Variants in DSC2 observed in about 807,000 individuals in gnomAD.
The protein encoded by DSC2 is desmocollin 2.
DSC2 carries 51 observed loss-of-function variants against 87.6 expected under a neutral mutation model. The observed-to-expected ratio is 0.58, with a 90% CI of 0.46 to 0.74. DSC2 has a LOEUF of 0.74. DSC2 is among the 30% of genes least tolerant of loss of function. The pLI is 0.00. For synonymous variants in DSC2, 383 were observed against 393.2 expected, an observed-to-expected ratio of 0.97 and a Z score of 0.31; for missense variants, 1,066 against 1,089.5, an observed-to-expected ratio of 0.98 and a Z score of 0.30.
At chr18:31,096,103 C>A (rs1055613955) in intron 1 of DSC2, among the ~76,000 whole-genome samples, 8 of 151,990 alleles carry the variant, frequency 5.3e-5, no homozygotes, top group Non-Finnish European at 1.0e-4. Flanking sequence ...TTACTTGGAG[C>A]AAATAAATTA....
Position 31,082,374 on chromosome 18 carries a change from A to T in DSC2, c.1127T>A (p.Val376Asp). 1 of 1,613,798 alleles carries T rather than the reference A, an allele frequency of 6.2e-7. No individual in the cohort carries two copies. Among genetic ancestry groups the T allele is most frequent in the South Asian group, 1.1e-5 (1 of 91,076 alleles). ...ENTVDVEILRVTVEDKDLVNT... is the reference protein window; with the variant it reads ...ENTVDVEILRDTVEDKDLVNT... ...CACTAAGTCCTTATCCTCAACAGTA[A>T]CTCGTAAGATTTCCACATCAACTGT... The change falls in exon 9 of 16, where the codon GTT becomes GAT. Residue 376 changes from valine (V) to aspartate (D), a missense_variant. Val to Asp is a radical substitution (Grantham distance 152). Coordinates refer to ENST00000280904, the MANE Select transcript of DSC2 (RefSeq NM_024422.6).
Position 31,066,673 on chromosome 18 carries a change from T to G in DSC2, c.*1342A>C, listed in dbSNP as rs1270847137. 1 of 152,162 alleles carries G rather than the reference T, an allele frequency of 6.6e-6. No homozygotes were observed. The highest frequency in any genetic ancestry group is 1.5e-5 in the Non-Finnish European group (1 of 67,992). 9.4% of individuals were successfully genotyped at this position (152,162 alleles called of 1,614,324 possible). A position where few individuals can be genotyped will look rare whatever the true frequency, so the allele number is the denominator to read the frequency against. ...AAGTCATGAAACATGGACTGGAATT[T>G]TGTGAGCTATTAAGTTTCATTTTGT... On this transcript the variant is annotated 3_prime_UTR_variant, in exon 16 of 16. Transcript: ENST00000280904.
In DSC2 at chr18:31,082,308, C is replaced by G. The variant is rs1987248171; in HGVS notation, c.1193G>C (p.Gly398Ala). The G allele has an allele frequency of 6.2e-7, 1 of 1,613,630 alleles. No homozygotes were observed. Among genetic ancestry groups the G allele is most frequent in the African/African-American group, 1.3e-5 (1 of 74,884 alleles). Residue 398 changes from glycine to alanine, a missense_variant, in exon 9 of 16, where the codon GGC becomes GCC. Transcript: ENST00000280904. Reference protein sequence around the residue: ...NWRANYTILKGNENGNFKIVT... With the variant: ...NWRANYTILKANENGNFKIVT... ...AATTTTAAAATTGCCATTTTCATTG[C>G]CCTTTAAAATGGTATAATTAGCTCT...
At position 31,069,177 on chromosome 18, in the gene DSC2, G is replaced by T. The variant is rs753733936; in HGVS notation, c.2251-26C>A. 15 of 1,613,638 alleles carry T rather than the reference G, an allele frequency of 9.3e-6. No homozygotes were observed. The African/African-American group carries it at 1.7e-4, about 19-fold the overall frequency. ...CTGAAATGAAAACAATTTGCATTAGGGATAATACAGAGAGGAACACAAAAT... is the reference window on the plus strand; with the variant it reads ...CTGAAATGAAAACAATTTGCATTAGTGATAATACAGAGAGGAACACAAAAT... On this transcript the variant is annotated intron_variant, in intron 14 of 15. Transcript: ENST00000280904.
rs991179618 is a variant in DSC2, at chr18:31,080,341, A to G, written c.1275T>C (p.Tyr425=). 1 of 1,613,834 alleles carries G rather than the reference A, an allele frequency of 6.2e-7. No homozygotes were observed. The highest frequency in any genetic ancestry group is 1.3e-5 in the African/African-American group (1 of 74,940). The change falls in exon 10 of 16, where the codon TAT becomes TAC. Residue 425 remains tyrosine (Y), a synonymous_variant. Transcript: ENST00000280904. ...GVLCVVKPLN[Y]EEKQQMILQI... ...GCAAGATCATCTGTTGCTTTTCTTC[A>G]TAATTCAAAGGCTACGAAAGCAAAT...
chr18:31,060,113 G>A lies in DSC2; in HGVS notation c.*7902C>T, dbSNP rs995397605. Reference sequence around the variant, plus strand: ...TTATGGTACATTGTATCACAGTAATGGATCATACATCATTTAATTACTTCC... The same window carrying A: ...TTATGGTACATTGTATCACAGTAATAGATCATACATCATTTAATTACTTCC... On this transcript the variant is annotated 3_prime_UTR_variant, in exon 16 of 16. Coordinates refer to ENST00000280904, the MANE Select transcript of DSC2 (RefSeq NM_024422.6). 6.6e-6 allele frequency: 1 copy of A among 151,994 alleles called. No homozygotes were observed. Among genetic ancestry groups the A allele is most frequent in the Non-Finnish European group, 1.5e-5 (1 of 68,002 alleles). The allele number at this position is 151,994 out of a possible 1,614,324, so 9.4% of individuals were successfully genotyped here.
intron 13 of DSC2, 92 bp from the exon 14 acceptor site, chr18:31,070,942 T>C: frequency 6.9e-7 from 1 of 1,446,260 alleles, no homozygotes; most frequent in Non-Finnish European, 9.6e-7. Context: ...ATCATAAACT[T>C]AAAAGTGTAT....
At chr18:31,083,131 T>C in intron 7 of DSC2, 71 bp from the exon 8 acceptor site, 1 of 1,540,374 alleles carries the variant, frequency 6.5e-7, no homozygotes, top group South Asian at 1.2e-5. Context: ...TACTTTACAC[T>C]CCATAATTTT....
intron 5 of DSC2, among the ~76,000 whole-genome samples, 156 bp from the exon 6 acceptor site, chr18:31,087,969 C>T (rs761648040): frequency 1.3e-5 from 2 of 152,124 alleles, no homozygotes; most frequent in Admixed American, 6.5e-5. Context: ...AATTTTAATG[C>T]CAAAGAGGTG....
intron 3 of DSC2, among the ~76,000 whole-genome samples, 179 bp from the exon 4 acceptor site, chr18:31,091,326 C>T (rs898319136): frequency 6.6e-6 from 1 of 152,096 alleles, no homozygotes; most frequent in African/African-American, 2.4e-5. Context: ...AAGTAACTGT[C>T]CTAACTGTTA....
At position 31,068,904 on chromosome 18, in the gene DSC2, C is replaced by T. The variant is rs370325533; in HGVS notation, c.2498G>A (p.Arg833His). 1.2e-4 allele frequency: 195 copies of T among 1,613,446 alleles called. No homozygotes were observed. The African/African-American group carries it at 2.3e-3, about 19-fold the overall frequency. The change falls in exon 15 of 16, where the codon CGT (arginine) becomes CAT (histidine). Residue 833 changes from arginine (R) to histidine (H), a missense_variant. Transcript: ENST00000280904. ...CTTAGGAAAACTCACTTCACCAAGA[C>T]GGGGCTGAGTAAAACTGTGCCACTC... ...YSEWHSFTQP[R>H]LGEKVYLCNQ...
chr18:31,076,768 T>C (rs1176293226), intron 11 of DSC2, among the ~76,000 whole-genome samples: 3 of 152,064 alleles, frequency 2.0e-5, no homozygotes, highest in Admixed American at 2.0e-4. Context: ...ACTAGACAAA[T>C]ATAAAAAAAT....
chr18:31,086,606 G>A lies in DSC2; in HGVS notation c.912C>T (p.Ile304=). Residue 304 remains isoleucine, a synonymous_variant, in exon 7 of 16, where the codon ATC becomes ATT. Coordinates refer to ENST00000280904, the MANE Select transcript of DSC2 (RefSeq NM_024422.6). ...LFSMHPTTGV[I]TTTSSQLDRE... is the part of the protein sequence containing the mutation. ...TGTCTAGCTGAGATGATGTTGTGGT[G>A]ATCACGCCTGTAGTTGGATGCATAG... 1 of 1,614,130 alleles carries A rather than the reference G, an allele frequency of 6.2e-7. No individual in the cohort carries two copies. The highest frequency in any genetic ancestry group is 8.5e-7 in the Non-Finnish European group (1 of 1,180,006).
In DSC2 at chr18:31,080,178, T is replaced by C. The variant is rs370616107; in HGVS notation, c.1438A>G (p.Met480Val). The change falls in exon 10 of 16, where the codon ATG becomes GTG. Residue 480 changes from methionine (M) to valine (V), a missense_variant. Transcript: ENST00000280904. ...GTTCCCACTTCTGCATTTTCTTTCA[T>C]GCGAACAGTCTGTATTGGAGGGTTA... ...ECNPPIQTVR[M>V]KENAEVGTTS... is the part of the protein sequence containing the mutation. 15 of 1,614,148 alleles carry C rather than the reference T, an allele frequency of 9.3e-6. No individual in the cohort carries two copies. The highest frequency in any genetic ancestry group is 1.6e-4 in the Middle Eastern group (1 of 6,062).
chr18:31,091,162 C>T lies in DSC2; in HGVS notation c.355-15G>A. The T allele has an allele frequency of 1.2e-6, 2 of 1,613,406 alleles. No individual in the cohort carries two copies. Among genetic ancestry groups the T allele is most frequent in the South Asian group, 1.1e-5 (1 of 91,042 alleles). ...TTCTTTAGGACCTCAATTCATAAGA[C>T]AGGAAAAAATAATAAAGTCAATGAC... On this transcript the variant is annotated splice_polypyrimidine_tract_variant and intron_variant, in intron 3 of 15. Transcript: ENST00000280904.
Position 31,080,295 on chromosome 18 carries a change from C to T in DSC2, c.1321G>A (p.Ala441Thr), listed in dbSNP as rs2144814171. ...GGACTAGCCTCTCTGGAAAATGGAG[C>T]TTCATTAACTACACCAATTTGCAAG... The part of the protein sequence containing the change: ...MILQIGVVNE[A>T]PFSREASPRS... Residue 441 changes from alanine to threonine, a missense_variant, in exon 10 of 16, where the codon GCT becomes ACT. Coordinates refer to ENST00000280904, the MANE Select transcript of DSC2 (RefSeq NM_024422.6). 2 of 1,614,018 alleles carry T rather than the reference C, an allele frequency of 1.2e-6. No individual in the cohort carries two copies. Among genetic ancestry groups the T allele is most frequent in the Non-Finnish European group, 1.7e-6 (2 of 1,179,954 alleles).
Position 31,063,413 on chromosome 18 carries a change from A to C in DSC2, c.*4602T>G, listed in dbSNP as rs1301532420. ...CCTTTCTTGGTCCTTAGTGTCCTACATGAAAGAAAAGAAACACACACACAA... is the reference window on the plus strand; with the variant it reads ...CCTTTCTTGGTCCTTAGTGTCCTACCTGAAAGAAAAGAAACACACACACAA... On this transcript the variant is annotated 3_prime_UTR_variant, in exon 16 of 16. Transcript: ENST00000280904. 1 of 152,078 alleles carries C rather than the reference A, an allele frequency of 6.6e-6. No homozygotes were observed. The highest frequency in any genetic ancestry group is 1.5e-5 in the Non-Finnish European group (1 of 68,034). The allele number at this position is 152,078 out of a possible 1,614,324, so 9.4% of individuals were successfully genotyped here. A position where few individuals can be genotyped will look rare whatever the true frequency, so the allele number is the denominator to read the frequency against.
chr18:31,082,521 T>A, intron 8 of DSC2, 98 bp from the exon 9 acceptor site: 2 of 1,101,008 alleles, frequency 1.8e-6, no homozygotes, highest in Non-Finnish European at 2.7e-6. Context: ...TCCAAAGTAC[T>A]ATGTTTACAT....
At chr18:31,070,612 A>G (rs1986789915) in intron 14 of DSC2, 114 bp downstream of exon 14, 2 of 1,408,782 alleles carry the variant, frequency 1.4e-6, no homozygotes, top group East Asian at 4.7e-5. Context: ...ATGACATTCT[A>G]TGGTAAATTG....
Sources: gnomAD v4.1 joint callset for allele counts (sites outside exome capture counted in the v4.1 genomes callset) on GRCh38, gnomAD v4.1.1 for gene constraint, MANE v1.5 for transcripts, NCBI Gene and HGNC (gene_info 2026-07-23, HGNC 2026-07-21) for gene names.